Variants in SRPK2 observed in about 807,000 individuals in gnomAD.
SRPK2 encodes the protein SRSF protein kinase 2, also known as SFRS protein kinase 2.
SRPK2 carries 21 observed loss-of-function variants against 90.8 expected under a neutral mutation model. The observed-to-expected ratio is 0.23, with a 90% CI of 0.16 to 0.33. The LOEUF (loss-of-function observed/expected upper bound fraction) is 0.33. Ranked by LOEUF, SRPK2 falls within the 10% of genes least tolerant of loss-of-function variation. The probability of loss-of-function intolerance (pLI) is 1.00; values close to 1 mark genes in which losing one functional copy is unlikely to be tolerated. For missense variants in SRPK2, 620 were observed against 869.0 expected, an observed-to-expected ratio of 0.71 and a Z score of 3.60; for synonymous variants, 288 against 311.1, an observed-to-expected ratio of 0.93 and a Z score of 0.78.
At chr7:105,223,128 T>C (rs750744468) in intron 2 of SRPK2, among the ~76,000 whole-genome samples, 3 of 152,216 alleles carry the variant, frequency 2.0e-5, no homozygotes, top group Non-Finnish European at 4.4e-5. Context: ...AGGAACGGCA[T>C]GTTGGGACCA....
chr7:105,276,174 TG>T (rs1370382441), intron 2 of SRPK2, among the ~76,000 whole-genome samples: 2 of 151,920 alleles, frequency 1.3e-5, no homozygotes, highest in African/African-American at 4.8e-5. Context: ...CTCAAACTCC[TG>T]GGCTCAAGCA....
rs538824857 is a variant in SRPK2 at position 105,116,472 on chromosome 7, C to G, written c.*1366G>C. 2.0e-5 allele frequency: 3 copies of G among 152,630 alleles called. No homozygotes were observed. The highest frequency in any genetic ancestry group is 4.4e-5 in the Non-Finnish European group (3 of 67,990). 9.5% of individuals were successfully genotyped at this position (152,630 alleles called of 1,614,324 possible). A position where few individuals can be genotyped will look rare whatever the true frequency, so the allele number is the denominator to read the frequency against. On this transcript the variant is annotated 3_prime_UTR_variant, in exon 16 of 16. Coordinates refer to ENST00000393651, the MANE Select transcript of SRPK2 (RefSeq NM_182692.3). ...ACAACACTTGTTAGCTTTTCACAAT[C>G]TAGTTATTGCAAAGGCATATGGATA... is the stretch of plus-strand genomic sequence containing the variant.
Position 105,116,560 on chromosome 7 carries a change from ACATT to A in SRPK2, c.*1274_*1277del. On this transcript the variant is annotated 3_prime_UTR_variant, in exon 16 of 16. Transcript: ENST00000393651. ...TGAATGTAAAATTTAAAATAAAAAG[ACATT>A]CAATCCACTGACTTCTAAAAGAGGC... 6.6e-6 allele frequency: 1 copy of A among 152,624 alleles called. No individual in the cohort carries two copies. Among genetic ancestry groups the A allele is most frequent in the Non-Finnish European group, 1.5e-5 (1 of 68,006 alleles). 9.5% of individuals were successfully genotyped at this position (152,624 alleles called of 1,614,324 possible). A position where few individuals can be genotyped will look rare whatever the true frequency, so the allele number is the denominator to read the frequency against.
intron 2 of SRPK2, among the ~76,000 whole-genome samples, chr7:105,321,943 G>C (rs1812985712): frequency 6.6e-6 from 1 of 152,106 alleles, no homozygotes. Context: ...TCCACTCATA[G>C]GTAGAAACCC....
intron 2 of SRPK2, among the ~76,000 whole-genome samples, chr7:105,248,086 C>T (rs1801959183): frequency 6.6e-6 from 1 of 152,170 alleles, no homozygotes; most frequent in Non-Finnish European, 1.5e-5. Context: ...CTACCAACCT[C>T]AGGTGATCTG....
chr7:105,371,258 A>G (rs1355615917), intron 2 of SRPK2, among the ~76,000 whole-genome samples: 1 of 151,702 alleles, frequency 6.6e-6, no homozygotes, highest in Non-Finnish European at 1.5e-5. Context: ...ACAAAAATCA[A>G]CCAGGCATGG....
chr7:105,324,867 G>A (rs1813386287), intron 2 of SRPK2, among the ~76,000 whole-genome samples: 1 of 152,006 alleles, frequency 6.6e-6, no homozygotes, highest in South Asian at 2.1e-4. Context: ...AGCCTGGGTG[G>A]CAGGGCAAGA....
chr7:105,283,423 T>C (rs1481184353), intron 2 of SRPK2, among the ~76,000 whole-genome samples: 1 of 152,214 alleles, frequency 6.6e-6, no homozygotes, highest in Non-Finnish European at 1.5e-5. Context: ...TTAAATAAAA[T>C]GTGGTATATA....
chr7:105,162,025 G>A (rs1344736552), intron 6 of SRPK2, among the ~76,000 whole-genome samples: 1 of 152,174 alleles, frequency 6.6e-6, no homozygotes, highest in South Asian at 2.1e-4. Flanking sequence ...CAGTACTACA[G>A]GTGAAAACCA....
rs1002414114 is a variant in SRPK2 at position 105,333,917 on chromosome 7, TTTTTG to T, written c.71+54726_71+54730del. 4.4e-4 allele frequency among the ~76,000 whole-genome samples: 67 copies of T among 152,248 alleles called. 1 individual carries two copies. The highest frequency in any genetic ancestry group is 1.6e-3 in the African/African-American group (66 of 41,556). ...AAATGCTATGATGTTTCTGAGTTTGTTTTTGTTTTGTTTTGTTTTTTTGAGACAGA... is the reference window on the plus strand; with the variant it reads ...AAATGCTATGATGTTTCTGAGTTTGTTTTTGTTTTGTTTTTTTGAGACAGA... On this transcript the variant is annotated intron_variant, in intron 2 of 15. Coordinates refer to ENST00000393651, the MANE Select transcript of SRPK2 (RefSeq NM_182692.3).
At chr7:105,358,243 A>C (rs1323503212) in intron 2 of SRPK2, among the ~76,000 whole-genome samples, 1 of 150,936 alleles carries the variant, frequency 6.6e-6, no homozygotes, top group Non-Finnish European at 1.5e-5. Context: ...AAAAAAAAAA[A>C]AACACCCCAC....
Position 105,341,337 on chromosome 7 carries a change from G to A in SRPK2, c.71+47311C>T, listed in dbSNP as rs567977670. 5.5e-5 allele frequency among the ~76,000 whole-genome samples: 7 copies of A among 127,652 alleles called. No homozygotes were observed. In the South Asian group the frequency reaches 1.7e-3, roughly 32 times the overall value. 83.7% of individuals were successfully genotyped at this position (127,652 alleles called of 152,430 possible). ...CGTGCCACTGCACTCCAGCCTGGGC[G>A]AAAGGGCGAGACTCCGTCTCAAAAA... On this transcript the variant is annotated intron_variant, in intron 2 of 15. Transcript: ENST00000393651.
At chr7:105,250,525 C>T (rs1227017455) in intron 2 of SRPK2, among the ~76,000 whole-genome samples, 1 of 152,140 alleles carries the variant, frequency 6.6e-6, no homozygotes, top group Non-Finnish European at 1.5e-5. Context: ...CAGGTTTTCC[C>T]TTACATGCAT....
Position 105,254,405 on chromosome 7 carries a change from A to G in SRPK2, c.72-50620T>C, listed in dbSNP as rs1414863867. Among the ~76,000 whole-genome samples the G allele has an allele frequency of 2.6e-5, 4 of 152,320 alleles. No individual in the cohort carries two copies. The East Asian group carries it at 5.8e-4, about 22-fold the overall frequency. On this transcript the variant is annotated intron_variant, in intron 2 of 15. Transcript: ENST00000393651. ...AAAGATGTATCTTTCTGAAAAACAA[A>G]CACTCCTTTATAAAGAGCCTTACAA...
chr7:105,224,446 C>T (rs1189209979), intron 2 of SRPK2, among the ~76,000 whole-genome samples: 1 of 151,894 alleles, frequency 6.6e-6, no homozygotes, highest in East Asian at 1.9e-4. Context: ...TCCGTCTCTA[C>T]TAAAAATACA....
At position 105,150,686 on chromosome 7, in the gene SRPK2, A is replaced by AAT. The variant is rs976649939; in HGVS notation, c.622-4030_622-4029dup. Among the ~76,000 whole-genome samples the AAT allele has an allele frequency of 8.7e-4, 133 of 152,358 alleles. 1 individual carries two copies. Among genetic ancestry groups the AAT allele is most frequent in the African/African-American group, 3.0e-3 (125 of 41,574 alleles). The stretch of plus-strand genomic sequence containing the variant: ...TGCATCTTCCTGGTGCAAACTGAAT[A>AAT]ATATGTGGAGTTCTATATCTGAACA... On this transcript the variant is annotated intron_variant, in intron 7 of 15. Transcript: ENST00000393651.
chr7:105,156,795 C>G (rs1283663337), intron 7 of SRPK2, among the ~76,000 whole-genome samples: 1 of 152,202 alleles, frequency 6.6e-6, no homozygotes, highest in African/African-American at 2.4e-5. Flanking sequence ...TGAGCCACCA[C>G]GCCTGGCTGG....
intron 2 of SRPK2, among the ~76,000 whole-genome samples, chr7:105,317,748 T>C (rs1410899527): frequency 6.6e-6 from 1 of 152,168 alleles, no homozygotes; most frequent in Admixed American, 6.5e-5. Context: ...TTCTCATTAG[T>C]TTTAAAAAGT....
upstream of SRPK2, among the ~76,000 whole-genome samples, chr7:105,390,076 T>C (rs1028437190): frequency 2.0e-5 from 3 of 152,254 alleles, no homozygotes; most frequent in African/African-American, 4.8e-5. Context: ...GCTATCTATG[T>C]GTCTGTGTGT....
Sources: gnomAD v4.1 joint callset for allele counts (sites outside exome capture counted in the v4.1 genomes callset) on GRCh38, gnomAD v4.1.1 for gene constraint, MANE v1.5 for transcripts, NCBI Gene and HGNC (gene_info 2026-07-23, HGNC 2026-07-21) for gene names.